The following FMNL2 variants were observed in gnomAD, a reference collection of about 807,000 sequenced individuals.
FMNL2 encodes formin like 2, also known as formin-like protein 2.
In FMNL2, 51 loss-of-function variants were observed where a neutral mutation model predicts 130.2. The observed-to-expected ratio is 0.39, with a 90% CI of 0.31 to 0.49. The LOEUF (loss-of-function observed/expected upper bound fraction) is 0.49. Among genes scored for constraint, FMNL2 ranks in the 20% least tolerant of loss-of-function variants. The pLI, the probability that FMNL2 is intolerant of heterozygous loss-of-function variation, is 0.85. For missense variants in FMNL2, 977 were observed against 1,316.2 expected (o/e 0.74, Z 3.99); for synonymous variants, 465 against 467.1 (o/e 1.00, Z 0.06).
intron 1 of FMNL2, among the ~76,000 whole-genome samples, chr2:152,494,150 G>T (rs971871766): frequency 1.3e-5 from 2 of 152,232 alleles, no homozygotes; most frequent in Non-Finnish European, 2.9e-5. Flanking sequence ...AAGACGGTAT[G>T]ATAAACGAGG....
intron 2 of FMNL2, among the ~76,000 whole-genome samples, chr2:152,533,961 A>T (rs781730077): frequency 3.3e-5 from 5 of 152,130 alleles, no homozygotes; most frequent in African/African-American, 7.2e-5. Flanking sequence ...ATGCCTTTGT[A>T]GAGAGAGATG....
At chr2:152,597,170 T>G (rs1697814646) in intron 9 of FMNL2, among the ~76,000 whole-genome samples, 1 of 152,102 alleles carries the variant, frequency 6.6e-6, no homozygotes, top group Non-Finnish European at 1.5e-5. Context: ...TCGTGGTGGG[T>G]ACAGTTTTCA....
chr2:152,411,273 A>C (rs1686278063), intron 1 of FMNL2, among the ~76,000 whole-genome samples: 1 of 152,134 alleles, frequency 6.6e-6, no homozygotes, highest in South Asian at 2.1e-4. Flanking sequence ...AGCCCTAACA[A>C]ACAGCAGGCA....
intron 1 of FMNL2, among the ~76,000 whole-genome samples, chr2:152,412,809 A>AT (rs1022656743): frequency 6.6e-6 from 1 of 151,984 alleles, no homozygotes; most frequent in Non-Finnish European, 1.5e-5. Flanking sequence ...CCTGTCTCAA[A>AT]AAAAAAGCTA....
chr2:152,378,695 A>T (rs1340159216), intron 1 of FMNL2, among the ~76,000 whole-genome samples: 1 of 152,184 alleles, frequency 6.6e-6, no homozygotes, highest in East Asian at 1.9e-4. Flanking sequence ...GGAGGGGCTC[A>T]TGTGAAGTGG....
intron 9 of FMNL2, among the ~76,000 whole-genome samples, chr2:152,603,573 G>T (rs1298055949): frequency 1.3e-5 from 2 of 150,462 alleles, no homozygotes; most frequent in Non-Finnish European, 3.0e-5. Flanking sequence ...TGTTTTTTGG[G>T]ATCCTTATCC....
intron 1 of FMNL2, among the ~76,000 whole-genome samples, chr2:152,515,624 G>T (rs564017396): frequency 7.4e-4 from 112 of 152,192 alleles, no homozygotes; most frequent in African/African-American, 2.6e-3. Context: ...CATGGAAGGG[G>T]GATGATCATA....
At chr2:152,472,468 C>T (rs561576332) in intron 1 of FMNL2, among the ~76,000 whole-genome samples, 1 of 152,304 alleles carries the variant, frequency 6.6e-6, no homozygotes, top group East Asian at 1.9e-4. Flanking sequence ...GCTCACCTGG[C>T]AGCCAACCTG....
chr2:152,459,232 A>G (rs765543539), intron 1 of FMNL2, among the ~76,000 whole-genome samples: 1 of 152,218 alleles, frequency 6.6e-6, no homozygotes, highest in African/African-American at 2.4e-5. Flanking sequence ...GCTCATTGTG[A>G]TAACTAGTTC....
chr2:152,550,105 C>T (rs1020061397), intron 4 of FMNL2, among the ~76,000 whole-genome samples: 2 of 150,514 alleles, frequency 1.3e-5, no homozygotes, highest in Non-Finnish European at 2.9e-5. Context: ...AAACCTTTTC[C>T]CCCCCTCATC....
At chr2:152,566,909 G>A (rs954881736) in intron 6 of FMNL2, among the ~76,000 whole-genome samples, 2 of 152,190 alleles carry the variant, frequency 1.3e-5, no homozygotes, top group Non-Finnish European at 2.9e-5. Context: ...AGTCAGGAGA[G>A]TGATCTGAGC....
At chr2:152,637,972 A>G (rs1444625943) in intron 23 of FMNL2, among the ~76,000 whole-genome samples, 1 of 152,216 alleles carries the variant, frequency 6.6e-6, no homozygotes, top group Non-Finnish European at 1.5e-5. Flanking sequence ...AGGCAAGGTG[A>G]AGTACTTGAA....
chr2:152,477,421 A>C (rs1330260677), intron 1 of FMNL2, among the ~76,000 whole-genome samples: 1 of 152,188 alleles, frequency 6.6e-6, no homozygotes, highest in African/African-American at 2.4e-5. Flanking sequence ...CTTTTGAAAA[A>C]TCTTCCAAAA....
intron 1 of FMNL2, among the ~76,000 whole-genome samples, chr2:152,510,044 C>T (rs780562445): frequency 5.3e-5 from 8 of 152,038 alleles, no homozygotes; most frequent in Non-Finnish European, 8.8e-5. Context: ...CCATGATGCT[C>T]GGCCTATCTG....
At chr2:152,529,421 C>T (rs1011784249) in intron 2 of FMNL2, among the ~76,000 whole-genome samples, 16 of 152,190 alleles carry the variant, frequency 1.1e-4, no homozygotes, top group African/African-American at 2.2e-4. Context: ...CTTGAGATTT[C>T]GAAGGGACTC....
intron 2 of FMNL2, among the ~76,000 whole-genome samples, chr2:152,530,856 A>G (rs960169088): frequency 2.0e-5 from 3 of 152,226 alleles, no homozygotes; most frequent in Non-Finnish European, 4.4e-5. Flanking sequence ...TAGCAGAAAT[A>G]CAAGGTAAGT....
At chr2:152,430,538 A>G (rs1687439239) in intron 1 of FMNL2, among the ~76,000 whole-genome samples, 1 of 152,150 alleles carries the variant, frequency 6.6e-6, no homozygotes, top group Non-Finnish European at 1.5e-5. Context: ...TTATATACCT[A>G]CTTTCACTTC....
At chr2:152,364,903 G>A (rs1302307011) in intron 1 of FMNL2, among the ~76,000 whole-genome samples, 1 of 152,174 alleles carries the variant, frequency 6.6e-6, no homozygotes, top group Non-Finnish European at 1.5e-5. Flanking sequence ...CCTAAATAAT[G>A]CCTTAGTTAA....
chr2:152,629,291 A>G (rs1000447367), intron 18 of FMNL2, among the ~76,000 whole-genome samples: 2 of 152,146 alleles, frequency 1.3e-5, no homozygotes, highest in African/African-American at 4.8e-5. Flanking sequence ...ATTGATTTAA[A>G]AATATTAATT....
Sources: gnomAD v4.1 joint callset for allele counts (sites outside exome capture counted in the v4.1 genomes callset) on GRCh38, gnomAD v4.1.1 for gene constraint, MANE v1.5 for transcripts, NCBI Gene and HGNC (gene_info 2026-07-23, HGNC 2026-07-21) for gene names.